The following UCHL3 variants were observed in gnomAD, a reference collection of about 807,000 sequenced individuals.
UCHL3 encodes ubiquitin C-terminal hydrolase L3.
Under a neutral mutation model 35.8 loss-of-function variants are expected in UCHL3, and 22 were observed. That is an observed-to-expected ratio of 0.61 (90% CI 0.44 to 0.88). The LOEUF (loss-of-function observed/expected upper bound fraction) is 0.88, where lower values mean the gene tolerates loss of function less well. UCHL3 is among the 40% of genes least tolerant of loss of function. The pLI, the probability that UCHL3 is intolerant of heterozygous loss-of-function variation, is 0.00. For synonymous variants in UCHL3, 90 were observed against 92.8 expected (o/e 0.97, Z 0.17); for missense variants, 229 against 276.9 (o/e 0.83, Z 1.23).
chr13:75,599,352 T>A (rs1348613962), intron 7 of UCHL3, among the ~76,000 whole-genome samples: 1 of 152,166 alleles, frequency 6.6e-6, no homozygotes, highest in Non-Finnish European at 1.5e-5. Flanking sequence ...CTTTTATGTA[T>A]GTAGAATTTC....
chr13:75,598,472 G>A (rs1464172736), intron 7 of UCHL3, among the ~76,000 whole-genome samples: 1 of 152,164 alleles, frequency 6.6e-6, no homozygotes, highest in African/African-American at 2.4e-5. Context: ...AGGATTATGT[G>A]TTGAATTTGT....
At chr13:75,569,875 T>C (rs1483540658) in intron 6 of UCHL3, among the ~76,000 whole-genome samples, 1 of 152,254 alleles carries the variant, frequency 6.6e-6, no homozygotes, top group African/African-American at 2.4e-5. Context: ...TGTGTCTTTA[T>C]TGTGTCCTGC....
intron 6 of UCHL3, among the ~76,000 whole-genome samples, chr13:75,571,736 G>T (rs2031863294): frequency 1.3e-5 from 2 of 152,154 alleles, no homozygotes; most frequent in Non-Finnish European, 2.9e-5. Context: ...GCAGATAGAA[G>T]TTAGGATTTT....
At chr13:75,560,728 T>C in intron 2 of UCHL3, 25 bp from the exon 3 acceptor site, 1 of 1,580,142 alleles carries the variant, frequency 6.3e-7, no homozygotes. Flanking sequence ...TCCATTGTTT[T>C]TTTTTTCTTT....
chr13:75,589,508 T>C (rs1593756339), intron 6 of UCHL3, among the ~76,000 whole-genome samples: 1 of 152,216 alleles, frequency 6.6e-6, no homozygotes, highest in South Asian at 2.1e-4. Context: ...TTGGAGCTTA[T>C]TCCTTTTAAG....
At chr13:75,574,683 T>C (rs2031968901) in intron 6 of UCHL3, among the ~76,000 whole-genome samples, 1 of 152,214 alleles carries the variant, frequency 6.6e-6, no homozygotes, top group Admixed American at 6.5e-5. Context: ...TATTAGGCGG[T>C]AATTTTATTT....
chr13:75,604,896 C>T, intron 8 of UCHL3, 69 bp downstream of exon 8: 1 of 1,316,176 alleles, frequency 7.6e-7, no homozygotes, highest in Non-Finnish European at 1.0e-6. Context: ...CTAAAGGTCA[C>T]TTGCATAACA....
rs551504106 is a variant in UCHL3, at chr13:75,581,782, G to T, written c.474+12275G>T. ...TGGTTATTTTATTTAAAAGTTTAAAGAGTAATTTATTCATTTTTTGCTGTA... is the reference window on the plus strand; with the variant it reads ...TGGTTATTTTATTTAAAAGTTTAAATAGTAATTTATTCATTTTTTGCTGTA... On this transcript the variant is annotated intron_variant, in intron 6 of 8. Coordinates refer to ENST00000377595, the MANE Select transcript of UCHL3 (RefSeq NM_006002.5). 2.6e-5 allele frequency among the ~76,000 whole-genome samples: 4 copies of T among 151,500 alleles called. 1 individual carries two copies. The South Asian group carries it at 8.3e-4, about 32-fold the overall frequency.
intron 6 of UCHL3, among the ~76,000 whole-genome samples, chr13:75,577,027 A>G (rs1290292615): frequency 6.6e-6 from 1 of 152,100 alleles, no homozygotes; most frequent in Admixed American, 6.5e-5. Context: ...AGAAGGGAGG[A>G]TCGCTTGAGG....
chr13:75,591,431 C>G (rs74094454), intron 6 of UCHL3, among the ~76,000 whole-genome samples: 1 of 152,080 alleles, frequency 6.6e-6, no homozygotes, highest in African/African-American at 2.4e-5. Flanking sequence ...AACTAAATGA[C>G]CAGGGTAGAA....
Position 75,594,940 on chromosome 13 carries a change from A to G in UCHL3, c.500A>G (p.Asp167Gly), listed in dbSNP as rs764475282. Residue 167 changes from aspartate to glycine, a missense_variant, in exon 7 of 9, where the codon GAT (aspartate) becomes GGT (glycine). Coordinates refer to ENST00000377595, the MANE Select transcript of UCHL3 (RefSeq NM_006002.5). ...GCACCAAGTATAGATGAGAAAGTAG[A>G]TCTTCATTTTATTGCATTAGTTCAT... is the stretch of plus-strand genomic sequence containing the variant. ...TEAPSIDEKVDLHFIALVHVD... is the reference protein window; with the variant it reads ...TEAPSIDEKVGLHFIALVHVD... The G allele has an allele frequency of 1.9e-6, 3 of 1,607,300 alleles. No homozygotes were observed. The highest frequency in any genetic ancestry group is 2.2e-5 in the East Asian group (1 of 44,620).
intron 7 of UCHL3, among the ~76,000 whole-genome samples, chr13:75,599,512 G>A (rs2032725970): frequency 6.6e-6 from 1 of 152,028 alleles, no homozygotes; most frequent in African/African-American, 2.4e-5. Flanking sequence ...CTCACTTTGT[G>A]TTTCTGTGTC....
chr13:75,605,920 T>C lies in UCHL3; in HGVS notation c.*108T>C. Reference sequence around the variant, plus strand: ...TTTTCATTAACTTGATGATTAAACTTTATGTGAGTTAAACTTTGCCTTAAC... The same window carrying C: ...TTTTCATTAACTTGATGATTAAACTCTATGTGAGTTAAACTTTGCCTTAAC... On this transcript the variant is annotated 3_prime_UTR_variant, in exon 9 of 9. Transcript: ENST00000377595. The C allele has an allele frequency of 9.2e-7, 1 of 1,087,692 alleles. No homozygotes were observed. Among genetic ancestry groups the C allele is most frequent in the Non-Finnish European group, 1.4e-6 (1 of 738,312 alleles). The allele number at this position is 1,087,692 out of a possible 1,614,324, so 67.4% of individuals were successfully genotyped here. A position where few individuals can be genotyped will look rare whatever the true frequency, so the allele number is the denominator to read the frequency against.
intron 6 of UCHL3, among the ~76,000 whole-genome samples, chr13:75,574,176 C>G (rs564429106): frequency 2.0e-5 from 3 of 152,032 alleles, no homozygotes; most frequent in African/African-American, 7.2e-5. Context: ...CGAGATTGTG[C>G]CACTGTACTC....
chr13:75,561,319 T>C (rs1317288952), intron 3 of UCHL3, among the ~76,000 whole-genome samples: 1 of 152,200 alleles, frequency 6.6e-6, no homozygotes, highest in African/African-American at 2.4e-5. Flanking sequence ...TGCATAAAAT[T>C]AGGCAATCTA....
chr13:75,593,986 T>C (rs1222935101), intron 6 of UCHL3, among the ~76,000 whole-genome samples: 1 of 152,220 alleles, frequency 6.6e-6, no homozygotes, highest in East Asian at 1.9e-4. Flanking sequence ...TGAAAACTTT[T>C]CCTTTAAAAT....
At position 75,559,120 on chromosome 13, in the gene UCHL3, A is replaced by C. The variant is rs371178269; in HGVS notation, c.55-1633A>C. Among the ~76,000 whole-genome samples the C allele has an allele frequency of 1.2e-3, 172 of 138,582 alleles. 3 individuals are homozygous for C. The East Asian group carries it at 0.028, about 22-fold the overall frequency. The allele number at this position is 138,582 out of a possible 152,430, so 90.9% of individuals were successfully genotyped here. Reference sequence around the variant, plus strand: ...AGTGGCGCAATCTCTGCTCACTGCAAGCTCCGCCTCCCGGGTTCATGCCAT... The same window carrying C: ...AGTGGCGCAATCTCTGCTCACTGCACGCTCCGCCTCCCGGGTTCATGCCAT... On this transcript the variant is annotated intron_variant, in intron 2 of 8. Transcript: ENST00000377595.
chr13:75,597,924 C>T (rs1240397207), intron 7 of UCHL3, among the ~76,000 whole-genome samples: 5 of 152,140 alleles, frequency 3.3e-5, no homozygotes, highest in Non-Finnish European at 5.9e-5. Context: ...TGTTATCACC[C>T]TCCCTTTTCC....
At chr13:75,556,894 C>A (rs1382907653) in intron 2 of UCHL3, among the ~76,000 whole-genome samples, 1 of 152,196 alleles carries the variant, frequency 6.6e-6, no homozygotes, top group African/African-American at 2.4e-5. Context: ...AAGCACTTAA[C>A]CTCCCAGACG....
Sources: gnomAD v4.1 joint callset for allele counts (sites outside exome capture counted in the v4.1 genomes callset) on GRCh38, gnomAD v4.1.1 for gene constraint, MANE v1.5 for transcripts, NCBI Gene and HGNC (gene_info 2026-07-23, HGNC 2026-07-21) for gene names.